The following MAP4K5 variants were observed in gnomAD, a reference collection of about 807,000 sequenced individuals.
MAP4K5 encodes the protein mitogen-activated protein kinase kinase kinase kinase 5.
A neutral mutation model predicts 135.6 loss-of-function variants in MAP4K5; 82 were observed. The ratio of observed to expected loss-of-function variants is 0.60; its 90% confidence interval spans 0.51 to 0.73. The LOEUF is 0.73. Ranked by LOEUF, MAP4K5 falls within the 30% of genes least tolerant of loss-of-function variation. The pLI, the probability that MAP4K5 is intolerant of heterozygous loss-of-function variation, is 0.00. For missense variants in MAP4K5, 907 were observed against 1,010.9 expected, an observed-to-expected ratio of 0.90 and a Z score of 1.39; for synonymous variants, 347 against 335.0, an observed-to-expected ratio of 1.04 and a Z score of -0.39.
intron 1 of MAP4K5, chr14:50,560,609 T>C: frequency 2.4e-6 from 1 of 421,580 alleles, no homozygotes. Context: ...TCCGGGGACT[T>C]GTGGGTTCCG....
At chr14:50,507,191 T>C (rs915346939) in intron 2 of MAP4K5, among the ~76,000 whole-genome samples, 46 of 152,300 alleles carry the variant, frequency 3.0e-4, no homozygotes, top group Admixed American at 2.5e-3. Flanking sequence ...ATTCTATTTA[T>C]TTAAACACAA....
Position 50,426,451 on chromosome 14 carries a change from G to A in MAP4K5, c.2327-474C>T, listed in dbSNP as rs986762983. Among the ~76,000 whole-genome samples, 8 of 152,248 alleles carry A rather than the reference G, an allele frequency of 5.3e-5. No homozygotes were observed. The East Asian group carries it at 1.2e-3, about 22-fold the overall frequency. ...TTTTAAAAAATAAACCTGGCCGGGCGCAGTGGCTCATCCCTGTAACCTCAG... is the reference window on the plus strand; with the variant it reads ...TTTTAAAAAATAAACCTGGCCGGGCACAGTGGCTCATCCCTGTAACCTCAG... On this transcript the variant is annotated intron_variant, in intron 30 of 32. Transcript: ENST00000682126.
At chr14:50,438,679 A>G (rs2139687669) in intron 23 of MAP4K5, among the ~76,000 whole-genome samples, 1 of 152,260 alleles carries the variant, frequency 6.6e-6, no homozygotes, top group East Asian at 1.9e-4. Flanking sequence ...TTATTATTAG[A>G]AAACATACAT....
intron 1 of MAP4K5, among the ~76,000 whole-genome samples, chr14:50,545,031 G>A (rs758021330): frequency 2.0e-5 from 3 of 151,668 alleles, no homozygotes; most frequent in South Asian, 2.1e-4. Flanking sequence ...GCTTGAACTC[G>A]GAAGGCCAGG....
At chr14:50,555,718 A>AATAT (rs1235998573) in intron 1 of MAP4K5, among the ~76,000 whole-genome samples, 4 of 152,200 alleles carry the variant, frequency 2.6e-5, no homozygotes, top group Non-Finnish European at 5.9e-5. Context: ...TATCCTAACT[A>AATAT]ATATAGTCCA....
At chr14:50,505,663 C>T (rs942015329) in intron 2 of MAP4K5, among the ~76,000 whole-genome samples, 2 of 152,140 alleles carry the variant, frequency 1.3e-5, no homozygotes, top group African/African-American at 4.8e-5. Flanking sequence ...GGTATGTGGA[C>T]TTATAATGGG....
At chr14:50,472,445 T>C (rs1204427303) in intron 9 of MAP4K5, 1 of 152,174 alleles carries the variant, frequency 6.6e-6, no homozygotes, top group East Asian at 1.9e-4. Context: ...AGTCTTTGTA[T>C]GTTCCAGTTC....
In MAP4K5 at chr14:50,504,857, C is replaced by A. The variant is rs756752443; in HGVS notation, c.109G>T (p.Ala37Ser). Reference protein sequence around the residue: ...GSGTYGDVYKARNVHTGELAA... With the variant: ...GSGTYGDVYKSRNVHTGELAA... ...AGCTCTCCTGTGTGTACATTTCTGG[C>A]CTAAAAATAAAATAAAAACAAAAAT... Residue 37 changes from alanine (A) to serine (S), a missense_variant and splice_region_variant, in exon 3 of 33, where the codon GCC (alanine) becomes TCC (serine). By Grantham distance (99) the Ala-to-Ser change is moderately conservative (BLOSUM62 1). Coordinates refer to ENST00000682126, the MANE Select transcript of MAP4K5 (RefSeq NM_006575.6). 6.5e-7 allele frequency: 1 copy of A among 1,531,980 alleles called. No individual in the cohort carries two copies. The highest frequency in any genetic ancestry group is 1.3e-5 in the South Asian group (1 of 78,750). 94.9% of individuals were successfully genotyped at this position (1,531,980 alleles called of 1,614,324 possible).
At position 50,456,648 on chromosome 14, in the gene MAP4K5, A is replaced by G; in HGVS notation, c.937-54T>C. The G allele has an allele frequency of 2.6e-6, 3 of 1,134,570 alleles. No homozygotes were observed. The South Asian group carries it at 4.7e-5, about 18-fold the overall frequency. 70.3% of individuals were successfully genotyped at this position (1,134,570 alleles called of 1,614,324 possible). ...TTAACAAATTTCAATGAGAAAGTTA[A>G]AAGGTCAAACTTTCTTATCATTTAT... On this transcript the variant is annotated intron_variant, in intron 13 of 32. Transcript: ENST00000682126.
intron 2 of MAP4K5, chr14:50,542,459 A>G (rs2038577620): frequency 1.3e-5 from 2 of 152,196 alleles, no homozygotes; most frequent in South Asian, 4.2e-4. Context: ...TTAAAGTAAA[A>G]TTAAAAAAAT....
At chr14:50,457,177 C>CA (rs1403535700) in intron 13 of MAP4K5, among the ~76,000 whole-genome samples, 1 of 152,170 alleles carries the variant, frequency 6.6e-6, no homozygotes, top group Non-Finnish European at 1.5e-5. Flanking sequence ...GATGGAAAGA[C>CA]AGACCATGAG....
upstream of MAP4K5, among the ~76,000 whole-genome samples, chr14:50,534,001 T>C (rs1280480355): frequency 6.6e-6 from 1 of 152,234 alleles, no homozygotes; most frequent in African/African-American, 2.4e-5. Flanking sequence ...GAACAGTTCC[T>C]TCTTTCAAAG....
chr14:50,550,890 A>C (rs6572674), intron 1 of MAP4K5, among the ~76,000 whole-genome samples: 151,262 of 152,222 alleles, frequency 0.99, 75,168 homozygotes, highest in Middle Eastern at 1. Flanking sequence ...TGGGATACAG[A>C]AAAAATGGTG....
At chr14:50,557,169 T>C (rs1566712432) in intron 1 of MAP4K5, among the ~76,000 whole-genome samples, 1 of 152,234 alleles carries the variant, frequency 6.6e-6, no homozygotes. Flanking sequence ...TTTTTGATTA[T>C]AGTCATCATA....
intron 2 of MAP4K5, among the ~76,000 whole-genome samples, chr14:50,523,387 C>A (rs1242842278): frequency 6.6e-6 from 1 of 152,136 alleles, no homozygotes; most frequent in East Asian, 1.9e-4. Context: ...ATGGTGATGG[C>A]CATGCTTGTG....
intron 2 of MAP4K5, among the ~76,000 whole-genome samples, chr14:50,507,707 G>A (rs2037841294): frequency 6.6e-6 from 1 of 152,194 alleles, no homozygotes; most frequent in Non-Finnish European, 1.5e-5. Context: ...ACTGTGGTCT[G>A]AGAGACAGTT....
Position 50,470,653 on chromosome 14 carries a change from TACACACACACAC to T in MAP4K5, c.543-1883_543-1872del, listed in dbSNP as rs59377868. On this transcript the variant is annotated intron_variant, in intron 9 of 32. Coordinates refer to ENST00000682126, the MANE Select transcript of MAP4K5 (RefSeq NM_006575.6). ...TGTTTCACATATTTTCATCCATTTT[TACACACACACAC>T]ACACACACACACACACACACACACC... Among the ~76,000 whole-genome samples the T allele has an allele frequency of 1.5e-3, 229 of 149,210 alleles. 1 individual carries two copies. The highest frequency in any genetic ancestry group is 4.3e-3 in the South Asian group (20 of 4,688).
At chr14:50,527,833 AT>A (rs2038299804) in intron 2 of MAP4K5, among the ~76,000 whole-genome samples, 1 of 53,060 alleles carries the variant, frequency 1.9e-5, no homozygotes, top group African/African-American at 5.7e-5. Flanking sequence ...AATAATAATA[AT>A]AATAAATAAA....
intron 2 of MAP4K5, among the ~76,000 whole-genome samples, chr14:50,518,470 A>G (rs2038079650): frequency 1.3e-5 from 2 of 151,944 alleles, no homozygotes; most frequent in African/African-American, 4.8e-5. Flanking sequence ...TTCAACTCCC[A>G]CTTATAAGCG....
Sources: gnomAD v4.1 joint callset for allele counts (sites outside exome capture counted in the v4.1 genomes callset) on GRCh38, gnomAD v4.1.1 for gene constraint, MANE v1.5 for transcripts, NCBI Gene and HGNC (gene_info 2026-07-23, HGNC 2026-07-21) for gene names.